The following ZNF202 variants were observed in gnomAD, a reference collection of about 807,000 sequenced individuals.
ZNF202 encodes the protein zinc finger protein 202, also known as zinc finger protein with KRAB and SCAN domains 10.
In ZNF202, 22 loss-of-function variants were observed where a neutral mutation model predicts 54.5. That is an observed-to-expected ratio of 0.40 (90% CI 0.29 to 0.58). The LOEUF is 0.58. ZNF202 is among the 20% of genes least tolerant of loss of function. The probability of loss-of-function intolerance (pLI) is 0.39; values close to 1 mark genes in which losing one functional copy is unlikely to be tolerated. For synonymous variants in ZNF202, 294 were observed against 301.4 expected, an observed-to-expected ratio of 0.98 and a Z score of 0.26; for missense variants, 644 against 805.5, an observed-to-expected ratio of 0.80 and a Z score of 2.43.
intron 3 of ZNF202, among the ~76,000 whole-genome samples, chr11:123,731,676 A>G (rs1861412400): frequency 6.6e-6 from 1 of 152,186 alleles, no homozygotes. Context: ...CTCTGTCTAT[A>G]GAAGGGAGAT....
chr11:123,727,423 C>T, intron 8 of ZNF202, 53 bp downstream of exon 8: 1 of 1,608,384 alleles, frequency 6.2e-7, no homozygotes, highest in Admixed American at 1.7e-5. Context: ...AGAAGCACTG[C>T]CTAGAGGAAC....
At position 123,727,666 on chromosome 11, in the gene ZNF202, C is replaced by T. The variant is rs542784583; in HGVS notation, c.833-71G>A. On this transcript the variant is annotated intron_variant, in intron 7 of 8. Transcript: ENST00000530393. The stretch of plus-strand genomic sequence containing the variant: ...TCCCTGTGTTAAGAGCGGTCCTTTT[C>T]TATTTGGTAGGTTGTGGGGCAAATA... 2.5e-5 allele frequency: 40 copies of T among 1,590,712 alleles called. No individual in the cohort carries two copies. In the African/African-American group the frequency reaches 4.9e-4, roughly 19 times the overall value.
At chr11:123,728,092 C>T (rs1258918461) in intron 7 of ZNF202, 41 bp downstream of exon 7, 2 of 1,582,312 alleles carry the variant, frequency 1.3e-6, no homozygotes, top group African/African-American at 2.7e-5. Flanking sequence ...GGAAAAAGAT[C>T]TCTGGGCTTA....
In ZNF202 at chr11:123,730,694, G is replaced by A; in HGVS notation, c.195C>T (p.Ile65=). ...ACTGGTGACAAAGTTCTCGGAGTCT[G>A]ATGAGAGCTTCTCTAGGGCTTGCTG... ...QEAASPREAL[I]RLRELCHQWL... The change falls in exon 4 of 9, where the codon ATC becomes ATT. Residue 65 remains isoleucine, a synonymous_variant. Coordinates refer to ENST00000530393, the MANE Select transcript of ZNF202 (RefSeq NM_003455.4). This position sits in a 1 kb window ranked among gnomAD's most constrained non-coding sequence, Gnocchi z 6.0. The A allele has an allele frequency of 6.2e-7, 1 of 1,614,246 alleles. No homozygotes were observed. Among genetic ancestry groups the A allele is most frequent in the Non-Finnish European group, 8.5e-7 (1 of 1,180,044 alleles).
At chr11:123,727,398 G>GCCCCAC (rs1187629202) in intron 8 of ZNF202, 78 bp downstream of exon 8, 18 of 1,588,044 alleles carry the variant, frequency 1.1e-5, no homozygotes, top group Non-Finnish European at 1.5e-5. Flanking sequence ...TGAGAGCGGG[G>GCCCCAC]CCCTACAGAG....
intron 3 of ZNF202, among the ~76,000 whole-genome samples, chr11:123,735,972 C>A (rs1861620624): frequency 6.6e-6 from 1 of 152,066 alleles, no homozygotes; most frequent in Admixed American, 6.5e-5. Context: ...GAAACCAGGC[C>A]AGGATTAAGT....
At chr11:123,740,732 T>C (rs942609469) in intron 1 of ZNF202, among the ~76,000 whole-genome samples, 196 bp from the exon 2 acceptor site, 1 of 152,204 alleles carries the variant, frequency 6.6e-6, no homozygotes, top group Non-Finnish European at 1.5e-5. Context: ...ACATTCATTG[T>C]TCAGAAAAAC....
chr11:123,733,150 T>C lies in ZNF202; in HGVS notation c.-97-2165A>G, dbSNP rs115268516. Among the ~76,000 whole-genome samples the C allele has an allele frequency of 3.6e-3, 554 of 152,308 alleles. 5 individuals carry two copies. Among genetic ancestry groups the C allele is most frequent in the African/African-American group, 0.012 (493 of 41,568 alleles). Reference sequence around the variant, plus strand: ...ATTTCTCAACCTTTTTGTGCTATACTACAGTTGCCTCACATCCACATTCAA... The same window carrying C: ...ATTTCTCAACCTTTTTGTGCTATACCACAGTTGCCTCACATCCACATTCAA... On this transcript the variant is annotated intron_variant, in intron 3 of 8. Coordinates refer to ENST00000530393, the MANE Select transcript of ZNF202 (RefSeq NM_003455.4).
rs992640240 is a variant in ZNF202, at chr11:123,728,311, C to T, written c.703-49G>A. ...CAAAACGTGATGCTACGGGTAGCCT[C>T]GTATTTTGTCCCTGTTGAAGGTCAT... On this transcript the variant is annotated intron_variant, in intron 6 of 8. Transcript: ENST00000530393. 30 of 1,555,568 alleles carry T rather than the reference C, an allele frequency of 1.9e-5. No homozygotes were observed. The Admixed American group carries it at 2.2e-4, about 11-fold the overall frequency.
intron 3 of ZNF202, among the ~76,000 whole-genome samples, chr11:123,734,923 T>A (rs1861569044): frequency 6.6e-6 from 1 of 152,060 alleles, no homozygotes; most frequent in Non-Finnish European, 1.5e-5. Context: ...CTCTTAGTGG[T>A]TCCCAAGATG....
Position 123,725,871 on chromosome 11 carries a change from G to A in ZNF202, c.*126C>T. On this transcript the variant is annotated 3_prime_UTR_variant, in exon 9 of 9. Transcript: ENST00000530393. ...GTGTTTAGTTGCAGGAAGAGGTAAT[G>A]TCAGATCTGAGCAGGTCAGGGAGAC... 1.8e-6 allele frequency: 2 copies of A among 1,133,144 alleles called. No homozygotes were observed. Among genetic ancestry groups the A allele is most frequent in the Non-Finnish European group, 2.4e-6 (2 of 820,622 alleles). The allele number at this position is 1,133,144 out of a possible 1,614,324, so 70.2% of individuals were successfully genotyped here.
rs927979491 is a variant in ZNF202, at chr11:123,740,206, T to C, written c.-173-14A>G. ...AATGATTGTCTACTGCAATATAGTA[T>C]ATACACAGAGTACAAAAAGGGTATA... On this transcript the variant is annotated splice_polypyrimidine_tract_variant and intron_variant, in intron 2 of 8. Coordinates refer to ENST00000530393, the MANE Select transcript of ZNF202 (RefSeq NM_003455.4). 3 of 152,202 alleles carry C rather than the reference T, an allele frequency of 2.0e-5. No homozygotes were observed. Among genetic ancestry groups the C allele is most frequent in the Non-Finnish European group, 2.9e-5 (2 of 68,040 alleles). 9.4% of individuals were successfully genotyped at this position (152,202 alleles called of 1,614,324 possible).
Position 123,730,686 on chromosome 11 carries a change from C to T in ZNF202, c.203G>A (p.Arg68Gln). The T allele has an allele frequency of 2.5e-6, 4 of 1,614,170 alleles. No homozygotes were observed. Among genetic ancestry groups the T allele is most frequent in the South Asian group, 2.2e-5 (2 of 91,086 alleles). The stretch of plus-strand genomic sequence containing the variant: ...TCTCAGCCACTGGTGACAAAGTTCT[C>T]GGAGTCTGATGAGAGCTTCTCTAGG... Reference protein sequence around the residue: ...ASPREALIRLRELCHQWLRPE... With the variant: ...ASPREALIRLQELCHQWLRPE... Residue 68 changes from arginine (R) to glutamine (Q), a missense_variant, in exon 4 of 9, where the codon CGA (arginine) becomes CAA (glutamine). By Grantham distance (43) the Arg-to-Gln change is conservative. This residue lies in a region of ZNF202 where 62 missense variants were observed against 122.8 expected (regional missense o/e 0.50). Transcript: ENST00000530393. This position sits in a 1 kb window ranked among gnomAD's most constrained non-coding sequence, Gnocchi z 6.0.
At chr11:123,727,438 G>A in intron 8 of ZNF202, 38 bp downstream of exon 8, 3 of 1,611,626 alleles carry the variant, frequency 1.9e-6, no homozygotes, top group Non-Finnish European at 8.5e-7. Flanking sequence ...AGGAACTGCT[G>A]GCTCAGGGTG....
At chr11:123,734,099 GAGAGAC>G (rs1258721374) in intron 3 of ZNF202, among the ~76,000 whole-genome samples, 2 of 152,052 alleles carry the variant, frequency 1.3e-5, no homozygotes, top group African/African-American at 2.4e-5. Flanking sequence ...TTTTGAGAGA[GAGAGAC>G]AGAGAGAGAG....
intron 3 of ZNF202, among the ~76,000 whole-genome samples, chr11:123,738,094 C>T (rs1240047248): frequency 1.3e-5 from 2 of 152,208 alleles, no homozygotes; most frequent in African/African-American, 4.8e-5. Flanking sequence ...TCACTGCAAT[C>T]TCTGCCTCCC....
chr11:123,734,299 T>G (rs1861541814), intron 3 of ZNF202, among the ~76,000 whole-genome samples: 1 of 152,210 alleles, frequency 6.6e-6, no homozygotes, highest in South Asian at 2.1e-4. Context: ...GGCTTCCCAG[T>G]GACCTTAGGT....
At chr11:123,736,687 G>T (rs1156669769) in intron 3 of ZNF202, among the ~76,000 whole-genome samples, 1 of 152,130 alleles carries the variant, frequency 6.6e-6, no homozygotes, top group African/African-American at 2.4e-5. Context: ...GCCTTGGCAC[G>T]CTGGGTTTGA....
Position 123,730,281 on chromosome 11 carries a change from T to C in ZNF202, c.402+206A>G, listed in dbSNP as rs1376424339. 6.6e-6 allele frequency among the ~76,000 whole-genome samples: 1 copy of C among 152,198 alleles called. No individual in the cohort carries two copies. Among genetic ancestry groups the C allele is most frequent in the Non-Finnish European group, 1.5e-5 (1 of 68,032 alleles). ...CCTTTGGTGGCTGAGACCCCTCAGATGGTCCCTATACAGGTGTTCCAATAT... is the reference window on the plus strand; with the variant it reads ...CCTTTGGTGGCTGAGACCCCTCAGACGGTCCCTATACAGGTGTTCCAATAT... On this transcript the variant is annotated intron_variant, in intron 4 of 8. Transcript: ENST00000530393. The surrounding 1 kb of genome is among the most constrained non-coding windows in gnomAD (Gnocchi z 6.0).
Sources: gnomAD v4.1 joint callset for allele counts (sites outside exome capture counted in the v4.1 genomes callset) on GRCh38, gnomAD v4.1.1 for gene constraint, gnomAD v4.1.1 regional missense constraint, Gnocchi (gnomAD v3.1) non-coding constraint, MANE v1.5 for transcripts, NCBI Gene and HGNC (gene_info 2026-07-23, HGNC 2026-07-21) for gene names.